The following TRABD2B variants were observed in gnomAD, a reference collection of about 807,000 sequenced individuals.
The protein encoded by TRABD2B is metalloprotease TIKI2.
In TRABD2B, 14 loss-of-function variants were observed where a neutral mutation model predicts 40.1. The ratio of observed to expected loss-of-function variants is 0.35; its 90% CI spans 0.23 to 0.55. The LOEUF is 0.55. Among genes scored for constraint, TRABD2B ranks in the 20% least tolerant of loss-of-function variants. TRABD2B has a pLI of 0.90. For synonymous variants in TRABD2B, 263 were observed against 277.0 expected (o/e 0.95, Z 0.50); for missense variants, 541 against 648.6 (o/e 0.83, Z 1.80).
intron 2 of TRABD2B, among the ~76,000 whole-genome samples, chr1:47,830,784 G>C (rs529507218): frequency 1.3e-5 from 2 of 152,132 alleles, no homozygotes; most frequent in East Asian, 3.9e-4. Flanking sequence ...AGAGGGAGAA[G>C]GAATCTTTAA....
chr1:47,789,530 T>C (rs978812322), intron 4 of TRABD2B, among the ~76,000 whole-genome samples: 1 of 152,238 alleles, frequency 6.6e-6, no homozygotes, highest in Admixed American at 6.5e-5. Flanking sequence ...CTTTAACTTC[T>C]TGTCCTGGTC....
chr1:47,825,204 C>T (rs1283485996), intron 2 of TRABD2B, among the ~76,000 whole-genome samples: 1 of 152,164 alleles, frequency 6.6e-6, no homozygotes, highest in East Asian at 1.9e-4. Context: ...CTCACAATAG[C>T]CATTTTGCAA....
chr1:47,913,883 G>A (rs1040675699), intron 2 of TRABD2B, among the ~76,000 whole-genome samples: 2 of 152,238 alleles, frequency 1.3e-5, no homozygotes, highest in African/African-American at 2.4e-5. Flanking sequence ...AACTCCTAAT[G>A]AGGGGTACTA....
intron 2 of TRABD2B, among the ~76,000 whole-genome samples, chr1:47,969,541 G>C (rs956889681): frequency 6.6e-6 from 1 of 152,120 alleles, no homozygotes; most frequent in African/African-American, 2.4e-5. Flanking sequence ...TCCATGATGG[G>C]CCAAAAGTCA....
rs1196953077 is a variant in TRABD2B at position 47,971,857 on chromosome 1, T to G, written c.666+22177A>C. 3.9e-5 allele frequency among the ~76,000 whole-genome samples: 6 copies of G among 152,076 alleles called. No individual in the cohort carries two copies. The East Asian group carries it at 1.2e-3, about 29-fold the overall frequency. ...TCACCCCAGATGAAACCTCCCTAAG[T>G]GATTAAATGTTATAATAAGGATTTG... On this transcript the variant is annotated intron_variant, in intron 2 of 6. Transcript: ENST00000606738.
rs148188635 is a variant in TRABD2B, at chr1:47,867,188, A to G, written c.667-65569T>C. 5.4e-3 allele frequency among the ~76,000 whole-genome samples: 820 copies of G among 152,324 alleles called. 12 individuals are homozygous for G. The highest frequency in any genetic ancestry group is 0.019 in the African/African-American group (784 of 41,564). On this transcript the variant is annotated intron_variant, in intron 2 of 6. Coordinates refer to ENST00000606738, the MANE Select transcript of TRABD2B (RefSeq NM_001194986.2). ...AAAACATGGACTTTAGCCAAGAGGGAAGGCAAAAATGTTGGTTCTTTTCTA... is the reference window on the plus strand; with the variant it reads ...AAAACATGGACTTTAGCCAAGAGGGGAGGCAAAAATGTTGGTTCTTTTCTA...
chr1:47,964,850 T>G (rs750986722), intron 2 of TRABD2B, among the ~76,000 whole-genome samples: 77 of 152,030 alleles, frequency 5.1e-4, no homozygotes, highest in Non-Finnish European at 9.9e-4. Flanking sequence ...GGCCAGGCAC[T>G]GCATAAGTCA....
chr1:47,972,553 A>G (rs1645696452), intron 2 of TRABD2B, among the ~76,000 whole-genome samples: 1 of 152,142 alleles, frequency 6.6e-6, no homozygotes. Context: ...ATGAGGACAA[A>G]ACTGGAAAAC....
intron 3 of TRABD2B, among the ~76,000 whole-genome samples, chr1:47,800,508 G>GT (rs1486549223): frequency 2.6e-5 from 4 of 152,220 alleles, no homozygotes; most frequent in African/African-American, 9.6e-5. Flanking sequence ...AGAGCAGAAA[G>GT]TGACAGGGTA....
intron 2 of TRABD2B, among the ~76,000 whole-genome samples, chr1:47,904,762 T>C (rs913511504): frequency 5.9e-5 from 9 of 152,216 alleles, no homozygotes; most frequent in Non-Finnish European, 8.8e-5. Context: ...CTTGCCTCCA[T>C]GCCAGAAATT....
intron 2 of TRABD2B, among the ~76,000 whole-genome samples, chr1:47,858,881 C>G (rs1013346057): frequency 6.6e-6 from 1 of 152,198 alleles, no homozygotes; most frequent in South Asian, 2.1e-4. Context: ...AGTGGGATAA[C>G]TGGGCACAGC....
intron 2 of TRABD2B, among the ~76,000 whole-genome samples, chr1:47,973,967 G>A (rs375916409): frequency 6.6e-5 from 10 of 152,162 alleles, no homozygotes; most frequent in African/African-American, 1.7e-4. Flanking sequence ...AGCTGGGTGC[G>A]GTGGAATGTG....
In TRABD2B at chr1:47,989,812, AT is replaced by A. The variant is rs1334058610; in HGVS notation, c.666+4221del. On this transcript the variant is annotated intron_variant, in intron 2 of 6. Coordinates refer to ENST00000606738, the MANE Select transcript of TRABD2B (RefSeq NM_001194986.2). ...CACAATTCAGCAGAAATGTCATCTA[AT>A]AAAAACCAGGTCATCTTTCAGACAC... Among the ~76,000 whole-genome samples the A allele has an allele frequency of 1.5e-4, 23 of 152,156 alleles. No homozygotes were observed. The South Asian group carries it at 4.8e-3, about 32-fold the overall frequency.
chr1:47,939,643 G>C (rs1220143708), intron 2 of TRABD2B, among the ~76,000 whole-genome samples: 3 of 152,154 alleles, frequency 2.0e-5, no homozygotes, highest in Non-Finnish European at 2.9e-5. Flanking sequence ...CTCATGAGAA[G>C]CTGGGCTGGG....
Position 47,996,658 on chromosome 1 carries a change from G to T in TRABD2B, c.102+30C>A. The T allele has an allele frequency of 2.4e-6, 3 of 1,228,356 alleles. No homozygotes were observed. The highest frequency in any genetic ancestry group is 4.1e-5 in the South Asian group (1 of 24,316). 76.1% of individuals were successfully genotyped at this position (1,228,356 alleles called of 1,614,324 possible). A position where few individuals can be genotyped will look rare whatever the true frequency, so the allele number is the denominator to read the frequency against. On this transcript the variant is annotated intron_variant, in intron 1 of 6. Transcript: ENST00000606738. This position sits in a 1 kb window ranked among gnomAD's most constrained non-coding sequence, Gnocchi z 4.6. ...ACGGGACTAGAATACCCAGGCAGGC[G>T]GGAGAGTGGCCGGGCAGGCGCTCGC...
intron 2 of TRABD2B, among the ~76,000 whole-genome samples, chr1:47,980,409 A>C (rs1464382187): frequency 6.6e-6 from 1 of 152,176 alleles, no homozygotes; most frequent in African/African-American, 2.4e-5. Flanking sequence ...AGGCTCATCC[A>C]TTTGGTAGCA....
chr1:47,921,074 C>A (rs950124486), intron 2 of TRABD2B, among the ~76,000 whole-genome samples: 1 of 152,214 alleles, frequency 6.6e-6, no homozygotes, highest in African/African-American at 2.4e-5. Flanking sequence ...CATACTTGGC[C>A]TAGACACACA....
At chr1:47,945,719 T>C (rs753252294) in intron 2 of TRABD2B, among the ~76,000 whole-genome samples, 2 of 152,250 alleles carry the variant, frequency 1.3e-5, no homozygotes, top group Non-Finnish European at 2.9e-5. Context: ...TTCATCAATG[T>C]TGGGCCTGTA....
chr1:47,880,176 G>T (rs1271667266), intron 2 of TRABD2B, among the ~76,000 whole-genome samples: 3 of 152,150 alleles, frequency 2.0e-5, no homozygotes, highest in Non-Finnish European at 4.4e-5. Context: ...TATATTTGGG[G>T]GTGGTCGTGG....
Sources: allele counts gnomAD v4.1 joint callset (sites outside exome capture counted in the v4.1 genomes callset), GRCh38; gene constraint gnomAD v4.1.1; non-coding constraint Gnocchi (gnomAD v3.1); transcripts MANE v1.5; gene names NCBI Gene and HGNC (gene_info 2026-07-23, HGNC 2026-07-21).